Variants in NMNAT3 observed in about 807,000 individuals in gnomAD.
NMNAT3 encodes nicotinamide/nicotinic acid mononucleotide adenylyltransferase 3.
Under a neutral mutation model 24.8 loss-of-function variants are expected in NMNAT3, and 21 were observed. The ratio of observed to expected loss-of-function variants is 0.85; its 90% CI spans 0.60 to 1.22. The LOEUF (loss-of-function observed/expected upper bound fraction) is 1.22, where lower values mean the gene tolerates loss of function less well. Ranked by LOEUF, NMNAT3 falls within the 50% of genes most tolerant of loss-of-function variation. The pLI, the probability that NMNAT3 is intolerant of heterozygous loss-of-function variation, is 0.00. For missense variants in NMNAT3, 387 were observed against 436.6 expected (o/e 0.89, Z 1.01); for synonymous variants, 136 against 155.2 (o/e 0.88, Z 0.92).
intron 3 of NMNAT3, among the ~76,000 whole-genome samples, chr3:139,588,328 G>T (rs1267504802): frequency 2.6e-5 from 4 of 152,142 alleles, no homozygotes; most frequent in African/African-American, 7.2e-5. Context: ...GAGCACATTA[G>T]TTAGAATGAA....
chr3:139,671,842 T>C (rs2057767129), intron 1 of NMNAT3, among the ~76,000 whole-genome samples: 1 of 152,210 alleles, frequency 6.6e-6, no homozygotes, highest in Non-Finnish European at 1.5e-5. Context: ...GGCATTCTGT[T>C]CTAATGATCA....
chr3:139,645,862 G>A (rs74367266), intron 1 of NMNAT3, among the ~76,000 whole-genome samples: 4,913 of 152,222 alleles, frequency 0.032, 115 homozygotes, highest in Non-Finnish European at 0.052. Context: ...TGACTCAAGC[G>A]ATAAAAATGT....
intron 3 of NMNAT3, among the ~76,000 whole-genome samples, chr3:139,587,393 C>T (rs1268364805): frequency 6.6e-6 from 1 of 152,080 alleles, no homozygotes. Context: ...ATGCCTGAGA[C>T]AAGAGAAGCT....
chr3:139,636,217 G>T (rs1385978809), intron 2 of NMNAT3: 1 of 151,972 alleles, frequency 6.6e-6, no homozygotes, highest in African/African-American at 2.4e-5. Flanking sequence ...TATTGGGTTA[G>T]TATATAAAAA....
At chr3:139,633,522 G>T (rs1206251026) in intron 2 of NMNAT3, among the ~76,000 whole-genome samples, 1 of 152,194 alleles carries the variant, frequency 6.6e-6, no homozygotes, top group Non-Finnish European at 1.5e-5. Context: ...TCCTATGGCT[G>T]CAGTGATTTG....
At chr3:139,659,154 T>C (rs1400063509) in intron 1 of NMNAT3, among the ~76,000 whole-genome samples, 3 of 152,250 alleles carry the variant, frequency 2.0e-5, no homozygotes, top group Non-Finnish European at 2.9e-5. Flanking sequence ...TACCACAGTT[T>C]ATCTGTTCTC....
At chr3:139,604,318 A>G (rs1320517927) in intron 3 of NMNAT3, among the ~76,000 whole-genome samples, 2 of 152,172 alleles carry the variant, frequency 1.3e-5, no homozygotes, top group Non-Finnish European at 2.9e-5. Context: ...ACAGCAGACA[A>G]GTGTTTAATT....
chr3:139,641,383 G>C lies in NMNAT3; in HGVS notation c.-140-3321C>G, dbSNP rs114821572. Among the ~76,000 whole-genome samples the C allele has an allele frequency of 6.3e-3, 953 of 152,320 alleles. 11 individuals are homozygous for C. Among genetic ancestry groups the C allele is most frequent in the African/African-American group, 0.022 (920 of 41,584 alleles). On this transcript the variant is annotated intron_variant, in intron 1 of 6. Coordinates refer to ENST00000643695, the MANE Select transcript of NMNAT3 (RefSeq NM_001320510.2). Reference sequence around the variant, plus strand: ...CTGATGGCTCTTTTTCTAGGCCATTGTGATACATGTTGATCTACGAGTGTG... The same window carrying C: ...CTGATGGCTCTTTTTCTAGGCCATTCTGATACATGTTGATCTACGAGTGTG...
At chr3:139,641,615 C>G (rs2056706180) in intron 1 of NMNAT3, among the ~76,000 whole-genome samples, 1 of 152,206 alleles carries the variant, frequency 6.6e-6, no homozygotes, top group East Asian at 1.9e-4. Context: ...ATGAAGGTAA[C>G]AACCCCAAAA....
chr3:139,676,849 A>G (rs7617453), intron 1 of NMNAT3, among the ~76,000 whole-genome samples: 7,642 of 152,308 alleles, frequency 0.05, 647 homozygotes, highest in African/African-American at 0.17. Context: ...GCTGAGAGGC[A>G]GGCACACTGT....
intron 3 of NMNAT3, among the ~76,000 whole-genome samples, chr3:139,625,010 G>A (rs1000187896): frequency 6.6e-6 from 1 of 152,072 alleles, no homozygotes; most frequent in Non-Finnish European, 1.5e-5. Context: ...TGCTTCTTAT[G>A]TATTTTGAAG....
At chr3:139,668,151 A>G (rs1010432363) in intron 1 of NMNAT3, among the ~76,000 whole-genome samples, 5 of 152,212 alleles carry the variant, frequency 3.3e-5, no homozygotes, top group Non-Finnish European at 1.5e-5. Flanking sequence ...TAGAGAAGTC[A>G]AAGAAGAAAC....
intron 1 of NMNAT3, among the ~76,000 whole-genome samples, chr3:139,657,157 G>T (rs1020193046): frequency 6.6e-6 from 1 of 152,188 alleles, no homozygotes; most frequent in African/African-American, 2.4e-5. Context: ...GGCCGGCCAG[G>T]CCATTTCACT....
intron 3 of NMNAT3, among the ~76,000 whole-genome samples, chr3:139,600,295 G>A (rs1257348313): frequency 6.6e-6 from 1 of 150,694 alleles, no homozygotes; most frequent in Non-Finnish European, 1.5e-5. Context: ...CTTTGGTCCT[G>A]GATAGAAAGG....
At chr3:139,605,914 ATTT>A (rs11350902) in intron 3 of NMNAT3, among the ~76,000 whole-genome samples, 2,083 of 150,512 alleles carry the variant, frequency 0.014, 26 homozygotes, top group South Asian at 0.035. Flanking sequence ...GCTTCATGTG[ATTT>A]TTTTTTTTTT....
intron 3 of NMNAT3, among the ~76,000 whole-genome samples, chr3:139,606,764 CATCTAATCATTTATT>C (rs1170168179): frequency 6.6e-6 from 1 of 152,126 alleles, no homozygotes; most frequent in African/African-American, 2.4e-5. Flanking sequence ...TTTCTGTATT[CATCTAATCATTTATT>C]TTTGTCAATA....
chr3:139,563,814 C>T (rs1394357066), intron 6 of NMNAT3, among the ~76,000 whole-genome samples: 1 of 152,150 alleles, frequency 6.6e-6, no homozygotes, highest in African/African-American at 2.4e-5. Context: ...TATCCAAGTC[C>T]TAAGTATGTA....
intron 1 of NMNAT3, among the ~76,000 whole-genome samples, chr3:139,673,604 C>A (rs2057828233): frequency 6.6e-6 from 1 of 152,098 alleles, no homozygotes; most frequent in African/African-American, 2.4e-5. Flanking sequence ...CACCAGCCTC[C>A]TCCTTCAGGA....
At chr3:139,603,803 TCAC>T (rs1449310348) in intron 3 of NMNAT3, among the ~76,000 whole-genome samples, 1 of 150,712 alleles carries the variant, frequency 6.6e-6, no homozygotes, top group Non-Finnish European at 1.5e-5. Flanking sequence ...AGTGCAAACA[TCAC>T]CACTACTGCT....
Sources: allele counts gnomAD v4.1 joint callset (sites outside exome capture counted in the v4.1 genomes callset), GRCh38; gene constraint gnomAD v4.1.1; transcripts MANE v1.5; gene names NCBI Gene and HGNC (gene_info 2026-07-23, HGNC 2026-07-21).